ADARB2: variants seen among roughly 807,000 people sequenced by gnomAD.
ADARB2 encodes the protein adenosine deaminase RNA specific B2 (inactive).
In ADARB2, 25 loss-of-function variants were observed where a neutral mutation model predicts 62.2. That is an observed-to-expected ratio of 0.40 (90% CI 0.29 to 0.56). ADARB2 has a LOEUF of 0.56. Ranked by LOEUF, ADARB2 falls within the 20% of genes least tolerant of loss-of-function variation. ADARB2 has a pLI of 0.43. For missense variants in ADARB2, 1,071 were observed against 1,077.4 expected (o/e 0.99, Z 0.08); for synonymous variants, 572 against 500.8 (o/e 1.14, Z -1.90).
chr10:1,362,888 G>T, intron 3 of ADARB2, 140 bp downstream of exon 3: 1 of 852,982 alleles, frequency 1.2e-6, no homozygotes, highest in Non-Finnish European at 1.6e-6. Context: ...CACCAGGCCG[G>T]GAGACATTCT....
chr10:1,304,013 C>T (rs1388727672), intron 3 of ADARB2, among the ~76,000 whole-genome samples: 2 of 152,240 alleles, frequency 1.3e-5, no homozygotes, highest in Non-Finnish European at 2.9e-5. Context: ...GGATCAAATT[C>T]ACACATAACA....
chr10:1,503,168 G>T (rs79951026), intron 1 of ADARB2, among the ~76,000 whole-genome samples: 9,387 of 152,138 alleles, frequency 0.062, 377 homozygotes, highest in Non-Finnish European at 0.099. Context: ...TAATTTTTAG[G>T]AAGAGAACCA....
intron 9 of ADARB2, among the ~76,000 whole-genome samples, chr10:1,184,296 G>A (rs1247164132): frequency 6.6e-6 from 1 of 152,168 alleles, no homozygotes; most frequent in Non-Finnish European, 1.5e-5. Flanking sequence ...TTTGGTTACA[G>A]TCTATGCTTT....
chr10:1,610,953 G>A (rs1833563518), intron 1 of ADARB2, among the ~76,000 whole-genome samples: 1 of 152,066 alleles, frequency 6.6e-6, no homozygotes, highest in African/African-American at 2.4e-5. Context: ...ATGAATTTTG[G>A]GGACCTATTC....
At chr10:1,565,368 A>G (rs1463727077) in intron 1 of ADARB2, among the ~76,000 whole-genome samples, 1 of 152,140 alleles carries the variant, frequency 6.6e-6, no homozygotes, top group South Asian at 2.1e-4. Context: ...CTATAAATAC[A>G]TGGGTATGCA....
intron 1 of ADARB2, among the ~76,000 whole-genome samples, chr10:1,650,069 T>G (rs7916679): frequency 0.19 from 28,660 of 152,018 alleles, 4,182 homozygotes; most frequent in African/African-American, 0.41. Flanking sequence ...ACAAGTAGAC[T>G]GTATTTGCTC....
chr10:1,413,021 G>A (rs2131880364), intron 1 of ADARB2, among the ~76,000 whole-genome samples: 1 of 152,314 alleles, frequency 6.6e-6, no homozygotes, highest in East Asian at 1.9e-4. Flanking sequence ...CGGGCTGTGG[G>A]CTCCATGGGG....
intron 1 of ADARB2, among the ~76,000 whole-genome samples, chr10:1,383,384 C>A (rs1046646753): frequency 5.3e-5 from 8 of 151,534 alleles, no homozygotes; most frequent in Non-Finnish European, 7.4e-5. Context: ...TAATAGTTTA[C>A]TTATTGTTTC....
At chr10:1,546,692 A>G (rs1325014804) in intron 1 of ADARB2, among the ~76,000 whole-genome samples, 1 of 152,204 alleles carries the variant, frequency 6.6e-6, no homozygotes, top group Non-Finnish European at 1.5e-5. Context: ...CGGCTGGAGG[A>G]TGGTAATGAT....
At chr10:1,662,538 C>A (rs1236050884) in intron 1 of ADARB2, among the ~76,000 whole-genome samples, 1 of 152,236 alleles carries the variant, frequency 6.6e-6, no homozygotes, top group African/African-American at 2.4e-5. Context: ...CATGAGGTAA[C>A]AAATGGCATG....
intron 1 of ADARB2, among the ~76,000 whole-genome samples, chr10:1,628,952 T>C (rs1253821930): frequency 6.6e-6 from 1 of 152,198 alleles, no homozygotes; most frequent in Non-Finnish European, 1.5e-5. Flanking sequence ...TTCTTCCCTG[T>C]AGCTCCTGCG....
chr10:1,501,638 G>C (rs1439780799), intron 1 of ADARB2, among the ~76,000 whole-genome samples: 2 of 152,096 alleles, frequency 1.3e-5, no homozygotes, highest in South Asian at 2.1e-4. Flanking sequence ...TCCACAGAGG[G>C]GCCCAATCAA....
In ADARB2 at chr10:1,456,836, T is replaced by C. The variant is rs556919761; in HGVS notation, c.101-77676A>G. 2.6e-4 allele frequency among the ~76,000 whole-genome samples: 40 copies of C among 152,262 alleles called. No individual in the cohort carries two copies. In the South Asian group the frequency reaches 6.0e-3, roughly 23 times the overall value. ...TTGAGACAGAGTCTCGCACTGTTGC[T>C]GGGGCTGGAGCGCAATGGCACGATC... On this transcript the variant is annotated intron_variant, in intron 1 of 9. Transcript: ENST00000381312.
chr10:1,514,654 AT>A (rs1831986536), intron 1 of ADARB2, among the ~76,000 whole-genome samples: 2 of 151,906 alleles, frequency 1.3e-5, no homozygotes, highest in Admixed American at 1.3e-4. Context: ...GAGGAACTGA[AT>A]TTTAAGTTGT....
At chr10:1,541,068 C>G (rs1832417661) in intron 1 of ADARB2, among the ~76,000 whole-genome samples, 1 of 86,604 alleles carries the variant, frequency 1.2e-5, no homozygotes, top group Non-Finnish European at 2.4e-5. Flanking sequence ...GCCGCCCAGA[C>G]CCCACTCAGA....
At chr10:1,276,669 AC>A (rs1831320976) in intron 3 of ADARB2, among the ~76,000 whole-genome samples, 1 of 152,162 alleles carries the variant, frequency 6.6e-6, no homozygotes, top group South Asian at 2.1e-4. Context: ...AGACTTTAAC[AC>A]CCCACTGTCA....
intron 3 of ADARB2, chr10:1,361,220 G>C (rs74119492): frequency 6.6e-6 from 1 of 151,652 alleles, no homozygotes; most frequent in Non-Finnish European, 1.5e-5. Flanking sequence ...GGCTGCAGGG[G>C]TGAAGTGGCT....
intron 1 of ADARB2, among the ~76,000 whole-genome samples, chr10:1,427,660 G>T (rs138935402): frequency 6.6e-6 from 1 of 152,214 alleles, no homozygotes; most frequent in Non-Finnish European, 1.5e-5. Flanking sequence ...CTGGAAAACA[G>T]TTTGGCAGTT....
chr10:1,542,802 C>T (rs61831940), intron 1 of ADARB2, among the ~76,000 whole-genome samples: 15,969 of 52,976 alleles, frequency 0.3, 1,876 homozygotes, highest in Non-Finnish European at 0.4. Flanking sequence ...ATCACAGCCG[C>T]CCAGACCCCA....
Sources: allele counts gnomAD v4.1 joint callset (sites outside exome capture counted in the v4.1 genomes callset), GRCh38; gene constraint gnomAD v4.1.1; transcripts MANE v1.5; gene names NCBI Gene and HGNC (gene_info 2026-07-23, HGNC 2026-07-21).